The following LRRFIP2 variants were observed in gnomAD, a reference collection of about 807,000 sequenced individuals.
LRRFIP2 encodes leucine-rich repeat flightless-interacting protein 2.
LRRFIP2 carries 109 observed loss-of-function variants against 125.9 expected under a neutral mutation model. That is an observed-to-expected ratio of 0.87 (90% CI 0.74 to 1.01). LRRFIP2 has a LOEUF of 1.01. Among genes scored for constraint, LRRFIP2 ranks in the 50% least tolerant of loss-of-function variants. The probability of loss-of-function intolerance (pLI) is 0.00; values close to 1 mark genes in which losing one functional copy is unlikely to be tolerated. For missense variants in LRRFIP2, 850 were observed against 862.3 expected (o/e 0.99, Z 0.18); for synonymous variants, 291 against 293.1 (o/e 0.99, Z 0.07).
intron 24 of LRRFIP2, among the ~76,000 whole-genome samples, chr3:37,059,922 G>T (rs2088075950): frequency 6.6e-6 from 1 of 152,132 alleles, no homozygotes; most frequent in Admixed American, 6.5e-5. Flanking sequence ...TGGGAAAAGG[G>T]TAAGCTCTAT....
rs146742796 is a variant in LRRFIP2, at chr3:37,056,626, T to C, written c.1871-1461A>G. 9.1e-3 allele frequency among the ~76,000 whole-genome samples: 1,384 copies of C among 152,190 alleles called. 25 individuals carry two copies. Among genetic ancestry groups the C allele is most frequent in the African/African-American group, 0.032 (1,321 of 41,500 alleles). On this transcript the variant is annotated intron_variant, in intron 25 of 27. Coordinates refer to ENST00000336686, the MANE Select transcript of LRRFIP2 (RefSeq NM_006309.4). ...CCGCCACCATGCCTGGCTAAATTTTTGTATTTTTAGTAGAGACGGGGTTTC... is the reference window on the plus strand; with the variant it reads ...CCGCCACCATGCCTGGCTAAATTTTCGTATTTTTAGTAGAGACGGGGTTTC...
chr3:37,084,173 C>A (rs1218761631), intron 18 of LRRFIP2, among the ~76,000 whole-genome samples: 5 of 152,238 alleles, frequency 3.3e-5, no homozygotes, highest in Middle Eastern at 6.8e-3. Context: ...GTGTTCAGAA[C>A]GCAGTGATAC....
At chr3:37,134,746 T>C (rs2095515134) in intron 2 of LRRFIP2, 6 of 778,724 alleles carry the variant, frequency 7.7e-6, no homozygotes, top group African/African-American at 6.8e-5. Flanking sequence ...GAGGATGGTA[T>C]GTTTCATTGG....
chr3:37,112,447 G>A (rs1315882131), intron 8 of LRRFIP2, among the ~76,000 whole-genome samples: 1 of 152,100 alleles, frequency 6.6e-6, no homozygotes, highest in Non-Finnish European at 1.5e-5. Context: ...TACATTATAG[G>A]TTAAAGAGTT....
In LRRFIP2 at chr3:37,164,024, G is replaced by A. The variant is rs936037641; in HGVS notation, c.-56+10515C>T. 1.6e-4 allele frequency among the ~76,000 whole-genome samples: 25 copies of A among 152,176 alleles called. No homozygotes were observed. In the South Asian group the frequency reaches 1.7e-3, roughly 10 times the overall value. On this transcript the variant is annotated intron_variant, in intron 1 of 27. Transcript: ENST00000336686. ...AACTAATTTTATGCAAAATAAATTC[G>A]TTTTATAGCTTATAAATTGATGTTA...
chr3:37,075,586 T>A (rs933986254), intron 19 of LRRFIP2, among the ~76,000 whole-genome samples: 1 of 152,128 alleles, frequency 6.6e-6, no homozygotes, highest in African/African-American at 2.4e-5. Flanking sequence ...AGGCATACCG[T>A]CTTCTTGGAT....
intron 25 of LRRFIP2, among the ~76,000 whole-genome samples, chr3:37,056,740 A>G (rs1195942747): frequency 6.6e-6 from 1 of 152,066 alleles, no homozygotes; most frequent in African/African-American, 2.4e-5. Flanking sequence ...TTCTAATTGG[A>G]CAATTACTGT....
At chr3:37,143,893 G>A (rs2095789009) in intron 2 of LRRFIP2, 1 of 155,060 alleles carries the variant, frequency 6.4e-6, no homozygotes, top group African/African-American at 2.4e-5. Flanking sequence ...AAATACTCTT[G>A]ACATGTACAA....
At chr3:37,104,273 A>C (rs1287065511) in intron 14 of LRRFIP2, among the ~76,000 whole-genome samples, 1 of 152,184 alleles carries the variant, frequency 6.6e-6, no homozygotes, top group African/African-American at 2.4e-5. Flanking sequence ...TGTACAAATA[A>C]AGACACTGCC....
chr3:37,109,203 C>T (rs1311927753), intron 11 of LRRFIP2, among the ~76,000 whole-genome samples: 1 of 152,012 alleles, frequency 6.6e-6, no homozygotes, highest in African/African-American at 2.4e-5. Flanking sequence ...CATAACTGTC[C>T]CAAAGAAAAA....
chr3:37,066,487 G>C (rs187764349), intron 21 of LRRFIP2, 162 bp from the exon 22 acceptor site: 15 of 623,152 alleles, frequency 2.4e-5, no homozygotes, highest in Middle Eastern at 8.6e-4. Flanking sequence ...AGGAAATACA[G>C]AGTTACATGG....
Position 37,075,131 on chromosome 3 carries a change from A to G in LRRFIP2, c.1279-15T>C, listed in dbSNP as rs1168330365. ...CTTTCTAACTCCTGTTATTAAACAA[A>G]TAATATCATTTACACAGGTCATGGC... On this transcript the variant is annotated splice_polypyrimidine_tract_variant and intron_variant, in intron 19 of 27. Transcript: ENST00000336686. The G allele has an allele frequency of 1.3e-6, 2 of 1,569,612 alleles. No individual in the cohort carries two copies. The highest frequency in any genetic ancestry group is 1.7e-5 in the Admixed American group (1 of 59,974).
intron 4 of LRRFIP2, among the ~76,000 whole-genome samples, chr3:37,127,170 C>T (rs2095305517): frequency 6.6e-6 from 1 of 152,054 alleles, no homozygotes; most frequent in South Asian, 2.1e-4. Flanking sequence ...TACTGATTCA[C>T]AATTTGTTTT....
chr3:37,149,784 T>C (rs141480197), intron 1 of LRRFIP2, among the ~76,000 whole-genome samples: 1,591 of 152,050 alleles, frequency 0.01, 33 homozygotes, highest in African/African-American at 0.036. Flanking sequence ...GCAGATCACT[T>C]GAAGCCAGGA....
chr3:37,062,339 G>A (rs1483829815), intron 24 of LRRFIP2, among the ~76,000 whole-genome samples: 1 of 151,946 alleles, frequency 6.6e-6, no homozygotes, highest in African/African-American at 2.4e-5. Context: ...TTAAATAGTA[G>A]AATCTCACTC....
chr3:37,142,879 G>C (rs1235048719), intron 2 of LRRFIP2, among the ~76,000 whole-genome samples: 1 of 152,214 alleles, frequency 6.6e-6, no homozygotes, highest in African/African-American at 2.4e-5. Flanking sequence ...AGGTGATATA[G>C]TTTAGATGTC....
chr3:37,067,064 C>T (rs1192732105), intron 21 of LRRFIP2: 3 of 152,386 alleles, frequency 2.0e-5, no homozygotes, highest in Non-Finnish European at 2.9e-5. Context: ...CTTTTGGGTT[C>T]TGGCACATAC....
chr3:37,150,462 C>T (rs578182155), intron 1 of LRRFIP2, among the ~76,000 whole-genome samples: 70 of 151,770 alleles, frequency 4.6e-4, no homozygotes, highest in Admixed American at 1.8e-3. Context: ...AACTCCTTCT[C>T]GAAATATAAA....
intron 23 of LRRFIP2, chr3:37,065,277 G>T (rs886312152): frequency 2.8e-5 from 6 of 213,942 alleles, no homozygotes; most frequent in African/African-American, 1.4e-4. Flanking sequence ...ATTCTCAAAG[G>T]GTTAAATTTA....
Sources: gnomAD v4.1 joint callset for allele counts (sites outside exome capture counted in the v4.1 genomes callset) on GRCh38, gnomAD v4.1.1 for gene constraint, MANE v1.5 for transcripts, NCBI Gene and HGNC (gene_info 2026-07-23, HGNC 2026-07-21) for gene names.